Variants in FBXL18 observed in about 807,000 individuals in gnomAD.
FBXL18 encodes F-box/LRR-repeat protein 18.
A neutral mutation model predicts 46.0 loss-of-function variants in FBXL18; 36 were observed. The observed-to-expected ratio is 0.78, with a 90% CI of 0.60 to 1.03. The LOEUF (loss-of-function observed/expected upper bound fraction) is 1.03, where lower values mean the gene tolerates loss of function less well. Among genes scored for constraint, FBXL18 ranks in the 50% least tolerant of loss-of-function variants. The pLI, the probability that FBXL18 is intolerant of heterozygous loss-of-function variation, is 0.00. For missense variants in FBXL18, 977 were observed against 1,004.1 expected, an observed-to-expected ratio of 0.97 and a Z score of 0.36; for synonymous variants, 557 against 465.3, an observed-to-expected ratio of 1.20 and a Z score of -2.54.
Position 5,490,084 on chromosome 7 carries a change from G to A in FBXL18, c.2000+1147C>T, listed in dbSNP as rs376049277. Reference sequence around the variant, plus strand: ...TGAGACAGCCAGCGGCCGACCGCAAGGACAACAGACTACCCCAGAGTCTGG... The same window carrying A: ...TGAGACAGCCAGCGGCCGACCGCAAAGACAACAGACTACCCCAGAGTCTGG... On this transcript the variant is annotated intron_variant, in intron 4 of 4. Coordinates refer to ENST00000382368, the MANE Select transcript of FBXL18 (RefSeq NM_024963.6). 4.1e-4 allele frequency: 559 copies of A among 1,361,052 alleles called. 2 individuals are homozygous for A. Among genetic ancestry groups the A allele is most frequent in the Non-Finnish European group, 5.3e-4 (538 of 1,019,268 alleles). 84.3% of individuals were successfully genotyped at this position (1,361,052 alleles called of 1,614,324 possible). A position where few individuals can be genotyped will look rare whatever the true frequency, so the allele number is the denominator to read the frequency against.
rs1416081241 is a variant in FBXL18, at chr7:5,496,710, C to T, written c.1781+3778G>A. On this transcript the variant is annotated intron_variant, in intron 3 of 4. Transcript: ENST00000382368. The surrounding 1 kb of genome is among the most constrained non-coding windows in gnomAD (Gnocchi z 4.8). ...CAGCCCGGGCAACACAGCAAGACCC[C>T]GTCTCTACAAAAAATACAAAAAACT... Among the ~76,000 whole-genome samples, 1 of 151,978 alleles carries T rather than the reference C, an allele frequency of 6.6e-6. No homozygotes were observed. Among genetic ancestry groups the T allele is most frequent in the Non-Finnish European group, 1.5e-5 (1 of 67,992 alleles).
At chr7:5,468,436 A>T (rs985138731) in intron 4 of FBXL18, among the ~76,000 whole-genome samples, 1 of 152,128 alleles carries the variant, frequency 6.6e-6, no homozygotes, top group African/African-American at 2.4e-5. Flanking sequence ...ATTTTTTAAG[A>T]GCCTAGAACA....
chr7:5,501,239 T>C lies in FBXL18; in HGVS notation c.1030A>G (p.Ser344Gly), dbSNP rs1244101120. The C allele has an allele frequency of 3.7e-6, 6 of 1,613,270 alleles. No individual in the cohort carries two copies. Among genetic ancestry groups the C allele is most frequent in the Non-Finnish European group, 5.1e-6 (6 of 1,179,804 alleles). The change falls in exon 3 of 5, where the codon AGC becomes GGC. Residue 344 changes from serine (S) to glycine (G), a missense_variant. Ser to Gly is a moderately conservative substitution (Grantham distance 56, BLOSUM62 0). Transcript: ENST00000382368. ...CCGCTGAGGTTCAAGCTGGCCAGGC[T>C]CCGCAGGTCCTTCCCGCCGTTGATG... ...QVINGGKDLR[S>G]LASLNLSGCV...
intron 4 of FBXL18, among the ~76,000 whole-genome samples, chr7:5,468,260 G>A (rs1490123674): frequency 1.3e-5 from 2 of 152,174 alleles, no homozygotes; most frequent in Non-Finnish European, 2.9e-5. Flanking sequence ...TGGGATTACA[G>A]GCATGACCCA....
At chr7:5,485,102 A>G (rs1428065200) in intron 4 of FBXL18, among the ~76,000 whole-genome samples, 1 of 152,170 alleles carries the variant, frequency 6.6e-6, no homozygotes, top group East Asian at 1.9e-4. Context: ...TCTCGCCACA[A>G]GCAAGGAATG....
At chr7:5,461,604 C>T (rs1467006698) in intron 4 of FBXL18, among the ~76,000 whole-genome samples, 2 of 152,030 alleles carry the variant, frequency 1.3e-5, no homozygotes, top group African/African-American at 4.8e-5. Context: ...GATCGTGCCA[C>T]TACACTCTGG....
At chr7:5,474,903 T>C (rs1238350086), downstream of FBXL18, among the ~76,000 whole-genome samples, 51 of 146,848 alleles carry the variant, frequency 3.5e-4, no homozygotes, top group African/African-American at 1.2e-3. Context: ...AGAGACGGGG[T>C]TTCACCGTGT....
intron 1 of FBXL18, among the ~76,000 whole-genome samples, chr7:5,511,710 G>C (rs1168530799): frequency 6.6e-6 from 1 of 150,746 alleles, no homozygotes; most frequent in African/African-American, 2.4e-5. Context: ...GGAGCTTGCA[G>C]TGAGCCGAGA....
rs973432014 is a variant in FBXL18 at position 5,479,108 on chromosome 7, G to C, written c.*2667C>G. ...GGGGGTAGCAGCAGCGGAAATTCTTGCTCTAAGTCAGAGGATGGTTGCAGG... is the reference window on the plus strand; with the variant it reads ...GGGGGTAGCAGCAGCGGAAATTCTTCCTCTAAGTCAGAGGATGGTTGCAGG... On this transcript the variant is annotated 3_prime_UTR_variant, in exon 5 of 5. Coordinates refer to ENST00000382368, the MANE Select transcript of FBXL18 (RefSeq NM_024963.6). 6.6e-6 allele frequency: 1 copy of C among 152,128 alleles called. No homozygotes were observed. The highest frequency in any genetic ancestry group is 2.4e-5 in the African/African-American group (1 of 41,428). The allele number at this position is 152,128 out of a possible 1,614,324, so 9.4% of individuals were successfully genotyped here.
rs1050578416 is a variant in FBXL18, at chr7:5,480,169, G to T, written c.*1606C>A. Among the ~76,000 whole-genome samples, 1 of 152,196 alleles carries T rather than the reference G, an allele frequency of 6.6e-6. No homozygotes were observed. Among genetic ancestry groups the T allele is most frequent in the African/African-American group, 2.4e-5 (1 of 41,448 alleles). On this transcript the variant is annotated 3_prime_UTR_variant, in exon 5 of 5. Coordinates refer to ENST00000382368, the MANE Select transcript of FBXL18 (RefSeq NM_024963.6). ...CATTTTTTAACAGCAAAGCAAATGT[G>T]AGACACCACCCCACAGGACGGGGCA...
chr7:5,511,844 G>A (rs903837521), intron 1 of FBXL18, among the ~76,000 whole-genome samples: 34 of 151,882 alleles, frequency 2.2e-4, no homozygotes, highest in African/African-American at 8.0e-4. Context: ...CCTGGGCTGG[G>A]CGCAGGGGCT....
intron 1 of FBXL18, among the ~76,000 whole-genome samples, chr7:5,511,347 G>A (rs1009488399): frequency 1.3e-5 from 2 of 151,746 alleles, no homozygotes; most frequent in East Asian, 3.9e-4. Flanking sequence ...GGGAGGCCAA[G>A]GTGGGCGGAT....
downstream of FBXL18, among the ~76,000 whole-genome samples, chr7:5,470,908 G>A (rs1265765396): frequency 1.3e-5 from 2 of 152,202 alleles, no homozygotes; most frequent in South Asian, 4.1e-4. Flanking sequence ...CTCCAGCCAC[G>A]CAGAGGCGTC....
chr7:5,467,280 G>A (rs1172588673), intron 4 of FBXL18, among the ~76,000 whole-genome samples: 3 of 152,174 alleles, frequency 2.0e-5, no homozygotes, highest in Non-Finnish European at 4.4e-5. Flanking sequence ...GAACCTGGGA[G>A]GCGGAGCTTG....
chr7:5,460,459 TA>T (rs1562670414), intron 4 of FBXL18, among the ~76,000 whole-genome samples: 1 of 152,126 alleles, frequency 6.6e-6, no homozygotes, highest in African/African-American at 2.4e-5. Flanking sequence ...ATAACTTTGT[TA>T]TTTTGTTTTT....
intron 4 of FBXL18, among the ~76,000 whole-genome samples, chr7:5,486,021 T>G (rs1783765045): frequency 6.6e-6 from 1 of 151,414 alleles, no homozygotes; most frequent in African/African-American, 2.4e-5. Flanking sequence ...ATTGTGCCAC[T>G]GCACTCCAGC....
chr7:5,501,161 T>C lies in FBXL18; in HGVS notation c.1108A>G (p.Ile370Val). ...DSLLRKAEDD[I>V]DSSILETLVA... is the part of the protein sequence containing the mutation. Reference sequence around the variant, plus strand: ...AGAGTCTCCAGGATGCTGCTGTCGATGTCGTCCTCCGCCTTGCGGAGCAGC... The same window carrying C: ...AGAGTCTCCAGGATGCTGCTGTCGACGTCGTCCTCCGCCTTGCGGAGCAGC... The change falls in exon 3 of 5, where the codon ATC (isoleucine) becomes GTC (valine). Residue 370 changes from isoleucine to valine, a missense_variant. Transcript: ENST00000382368. The C allele has an allele frequency of 6.2e-7, 1 of 1,613,232 alleles. No individual in the cohort carries two copies. The highest frequency in any genetic ancestry group is 1.1e-5 in the South Asian group (1 of 91,056).
At chr7:5,469,468 A>C (rs1783394650) in intron 4 of FBXL18, among the ~76,000 whole-genome samples, 1 of 152,114 alleles carries the variant, frequency 6.6e-6, no homozygotes, top group Non-Finnish European at 1.5e-5. Context: ...TACATGAGTG[A>C]ACACGGGCAT....
chr7:5,494,126 G>C (rs1282189059), intron 3 of FBXL18, among the ~76,000 whole-genome samples: 1 of 152,096 alleles, frequency 6.6e-6, no homozygotes, highest in African/African-American at 2.4e-5. Context: ...TACAAAATTA[G>C]CTGGTCGTGG....
Sources: allele counts gnomAD v4.1 joint callset (sites outside exome capture counted in the v4.1 genomes callset), GRCh38; gene constraint gnomAD v4.1.1; non-coding constraint Gnocchi (gnomAD v3.1); transcripts MANE v1.5; gene names NCBI Gene and HGNC (gene_info 2026-07-23, HGNC 2026-07-21).